GNAS: variants seen among roughly 807,000 people sequenced by gnomAD.
GNAS encodes the protein protein ALEX.
In GNAS, 8 loss-of-function variants were observed where a neutral mutation model predicts 54.5. That is an observed-to-expected ratio of 0.15 (90% confidence interval 0.09 to 0.26). The LOEUF is 0.26. Among genes scored for constraint, GNAS ranks in the 10% least tolerant of loss-of-function variants. GNAS has a pLI of 1.00. For missense variants in GNAS, 170 were observed against 529.8 expected (o/e 0.32, Z 6.67); for synonymous variants, 204 against 191.4 (o/e 1.07, Z -0.54).
intron 6 of GNAS, among the ~76,000 whole-genome samples, chr20:58,906,235 C>T (rs1055887036): frequency 6.6e-6 from 1 of 152,204 alleles, no homozygotes; most frequent in Non-Finnish European, 1.5e-5. Context: ...TCCAAAGTCA[C>T]TCATAAAGGT....
chr20:58,898,190 A>T (rs543737782), intron 2 of GNAS: 2 of 152,326 alleles, frequency 1.3e-5, no homozygotes, highest in South Asian at 4.1e-4. Context: ...AAACTGTAGA[A>T]TGCTGCCCTT....
intron 1 of GNAS, chr20:58,895,079 G>A (rs1163534320): frequency 4.5e-5 from 8 of 178,640 alleles, no homozygotes; most frequent in Non-Finnish European, 9.5e-5. Flanking sequence ...AAGAAGCTGC[G>A]TTGTGAAAAT....
chr20:58,886,423 C>T (rs774477411), upstream of GNAS, among the ~76,000 whole-genome samples: 5 of 152,094 alleles, frequency 3.3e-5, no homozygotes, highest in Non-Finnish European at 7.4e-5. Flanking sequence ...ATTTTATACC[C>T]AAGATATTCT....
intron 1 of GNAS, among the ~76,000 whole-genome samples, chr20:58,852,448 C>T (rs1338525711): frequency 6.6e-6 from 1 of 152,214 alleles, no homozygotes; most frequent in Non-Finnish European, 1.5e-5. Context: ...CGCGTGCCTG[C>T]GCCCCTTCCC....
intron 1 of GNAS, among the ~76,000 whole-genome samples, chr20:58,844,347 G>A: frequency 6.6e-6 from 1 of 152,214 alleles, no homozygotes; most frequent in East Asian, 1.9e-4. Flanking sequence ...GCAGAGGGAT[G>A]AGATGCTCAA....
rs560039917 is a variant in GNAS, at chr20:58,896,554, G to A, written c.212+870G>A. Among the ~76,000 whole-genome samples the A allele has an allele frequency of 5.3e-5, 8 of 151,988 alleles. No individual in the cohort carries two copies. The South Asian group carries it at 1.7e-3, about 32-fold the overall frequency. ...CAAACAGGGAACATTCAATAAATCG[G>A]GGAACTTGCTTTTCTCCCCAAGACC... On this transcript the variant is annotated intron_variant, in intron 2 of 12. Transcript: ENST00000371085.
Position 58,892,992 on chromosome 20 carries a change from A to G in GNAS, c.139+1127A>G, listed in dbSNP as rs182956301. Among the ~76,000 whole-genome samples the G allele has an allele frequency of 5.3e-5, 8 of 150,882 alleles. No individual in the cohort carries two copies. In the East Asian group the frequency reaches 9.8e-4, roughly 19 times the overall value. On this transcript the variant is annotated intron_variant, in intron 1 of 12. Coordinates refer to ENST00000371085, the MANE Select transcript of GNAS (RefSeq NM_000516.7). ...CTTTGTGAAAAGAAAAAACAAAGAC[A>G]TTCACAAATCAGATAAAACTGGAGA...
chr20:58,910,186 T>A lies in GNAS; in HGVS notation c.970+105T>A. ...CCTCCCACCACCAAACCATAAAGGA[T>A]CTATAAGAGAAGCAAGAAAAACGCA... On this transcript the variant is annotated intron_variant, in intron 11 of 12. Transcript: ENST00000371085. The surrounding 1 kb of genome is among the most constrained non-coding windows in gnomAD (Gnocchi z 5.8). 1 of 1,369,448 alleles carries A rather than the reference T, an allele frequency of 7.3e-7. No individual in the cohort carries two copies. Among genetic ancestry groups the A allele is most frequent in the Admixed American group, 1.7e-5 (1 of 59,680 alleles). The allele number at this position is 1,369,448 out of a possible 1,614,324, so 84.8% of individuals were successfully genotyped here. A position where few individuals can be genotyped will look rare whatever the true frequency, so the allele number is the denominator to read the frequency against.
chr20:58,845,190 T>C (rs1010870772), intron 1 of GNAS, among the ~76,000 whole-genome samples: 12 of 152,224 alleles, frequency 7.9e-5, no homozygotes, highest in Non-Finnish European at 1.0e-4. Context: ...GATGGGAACA[T>C]TGGTTGAGTG....
At chr20:58,876,091 T>C (rs866268768) in intron 1 of GNAS, among the ~76,000 whole-genome samples, 2 of 152,186 alleles carry the variant, frequency 1.3e-5, no homozygotes, top group African/African-American at 4.8e-5. Context: ...TAACAGCTAA[T>C]GATTCCATTG....
chr20:58,890,903 T>A (rs1378084661), upstream of GNAS: 2 of 152,106 alleles, frequency 1.3e-5, no homozygotes, highest in Non-Finnish European at 2.9e-5. Context: ...TCTGGCTCTC[T>A]GTGTCTCTCG....
At chr20:58,894,487 C>T (rs1239734696) in intron 1 of GNAS, among the ~76,000 whole-genome samples, 4 of 151,924 alleles carry the variant, frequency 2.6e-5, no homozygotes, top group Admixed American at 1.3e-4. Flanking sequence ...GGCATTAAAA[C>T]AAAACAATAC....
chr20:58,905,014 T>C (rs1366110537), intron 5 of GNAS, among the ~76,000 whole-genome samples: 1 of 152,210 alleles, frequency 6.6e-6, no homozygotes, highest in Non-Finnish European at 1.5e-5. Flanking sequence ...TGAAGTTTCT[T>C]ATTTTCACAA....
chr20:58,910,119 G>C lies in GNAS; in HGVS notation c.970+38G>C, dbSNP rs772910707. 1.2e-6 allele frequency: 2 copies of C among 1,607,554 alleles called. No homozygotes were observed. The highest frequency in any genetic ancestry group is 2.7e-5 in the African/African-American group (2 of 74,858). ...TCCACTCTTGCTGGCTGTTCATTGC[G>C]GTGGTTCTTTTTCAAACGGTCAGGC... On this transcript the variant is annotated intron_variant, in intron 11 of 12. Transcript: ENST00000371085. The surrounding 1 kb of genome is among the most constrained non-coding windows in gnomAD (Gnocchi z 5.8).
At chr20:58,878,279 G>T (rs1280493890) in intron 1 of GNAS, among the ~76,000 whole-genome samples, 1 of 152,218 alleles carries the variant, frequency 6.6e-6, no homozygotes, top group African/African-American at 2.4e-5. Flanking sequence ...GCCCCAGGAG[G>T]CCTGCTATGC....
intron 1 of GNAS, among the ~76,000 whole-genome samples, chr20:58,877,675 A>G (rs1392676658): frequency 6.6e-6 from 1 of 152,216 alleles, no homozygotes; most frequent in East Asian, 1.9e-4. Flanking sequence ...GAATGGGGAA[A>G]GAGTTGGAGC....
At chr20:58,866,034 G>A (rs529148601) in intron 1 of GNAS, among the ~76,000 whole-genome samples, 1 of 152,282 alleles carries the variant, frequency 6.6e-6, no homozygotes, top group South Asian at 2.1e-4. Context: ...GCCAAGACAC[G>A]AAGGACCCAT....
chr20:58,898,536 C>A (rs6128459), intron 2 of GNAS: 1 of 226,604 alleles, frequency 4.4e-6, no homozygotes, highest in Non-Finnish European at 8.9e-6. Context: ...AAGTTACAAC[C>A]TTGGGAAGAT....
At chr20:58,854,908 C>A in intron 1 of GNAS, 1 of 1,596,658 alleles carries the variant, frequency 6.3e-7, no homozygotes. Flanking sequence ...CCTACTCGCG[C>A]GTCTGCCTGG....
Sources: allele counts gnomAD v4.1 joint callset (sites outside exome capture counted in the v4.1 genomes callset), GRCh38; gene constraint gnomAD v4.1.1; non-coding constraint Gnocchi (gnomAD v3.1); transcripts MANE v1.5; gene names NCBI Gene and HGNC (gene_info 2026-07-23, HGNC 2026-07-21).